Variants in RIMS1 observed in about 807,000 individuals in gnomAD.
The protein encoded by RIMS1 is regulating synaptic membrane exocytosis 1.
RIMS1 carries 83 observed loss-of-function variants against 214.1 expected under a neutral mutation model. That is an observed-to-expected ratio of 0.39 (90% CI 0.32 to 0.47). The LOEUF is 0.47. Ranked by LOEUF, RIMS1 falls within the 20% of genes least tolerant of loss-of-function variation. The probability of loss-of-function intolerance (pLI) is 0.99; values close to 1 mark genes in which losing one functional copy is unlikely to be tolerated. For synonymous variants in RIMS1, 793 were observed against 786.8 expected (o/e 1.01, Z -0.13); for missense variants, 2,050 against 2,161.8 (o/e 0.95, Z 1.03).
chr6:72,194,905 T>G (rs2050627153), intron 6 of RIMS1, among the ~76,000 whole-genome samples: 1 of 152,170 alleles, frequency 6.6e-6, no homozygotes, highest in Non-Finnish European at 1.5e-5. Context: ...TTTTAGCTTA[T>G]AAATACTAAC....
intron 2 of RIMS1, among the ~76,000 whole-genome samples, chr6:71,973,129 T>C (rs1405083058): frequency 1.3e-5 from 2 of 152,154 alleles, no homozygotes; most frequent in South Asian, 2.1e-4. Flanking sequence ...AGGCTGGTCT[T>C]GAACTCCTGA....
At chr6:72,341,099 T>A (rs1242085866) in intron 29 of RIMS1, among the ~76,000 whole-genome samples, 1 of 151,946 alleles carries the variant, frequency 6.6e-6, no homozygotes, top group African/African-American at 2.4e-5. Context: ...GTTATTGGTG[T>A]ATAAGAATTC....
intron 6 of RIMS1, among the ~76,000 whole-genome samples, chr6:72,217,986 A>AT (rs2056909130): frequency 6.6e-6 from 1 of 151,984 alleles, no homozygotes; most frequent in Admixed American, 6.6e-5. Flanking sequence ...ATGGCAAAAC[A>AT]TTTTTTCAGA....
intron 33 of RIMS1, 92 bp from the exon 34 acceptor site, chr6:72,400,404 A>G: frequency 2.0e-6 from 2 of 1,021,910 alleles, no homozygotes; most frequent in Non-Finnish European, 3.1e-6. Context: ...TGCTTCACTG[A>G]CTGGCCCACT....
intron 29 of RIMS1, among the ~76,000 whole-genome samples, chr6:72,358,907 CA>C (rs1042426844): frequency 6.6e-6 from 1 of 152,166 alleles, no homozygotes; most frequent in Non-Finnish European, 1.5e-5. Flanking sequence ...TGACTGCCCT[CA>C]GAGGGCATAA....
In RIMS1 at chr6:72,277,573, C is replaced by T. The variant is rs866665809; in HGVS notation, c.3482+3141C>T. On this transcript the variant is annotated intron_variant, in intron 23 of 33. Coordinates refer to ENST00000521978, the MANE Select transcript of RIMS1 (RefSeq NM_014989.7). ...CTCCAGCCTAGGCGACAGAGCCAGA[C>T]TCTGTCTCAAAAAAAAAAAAAGAAT... Among the ~76,000 whole-genome samples the T allele has an allele frequency of 4.9e-4, 63 of 127,646 alleles. 1 individual carries two copies. The highest frequency in any genetic ancestry group is 1.7e-3 in the African/African-American group (60 of 34,602). The allele number at this position is 127,646 out of a possible 152,430, so 83.7% of individuals were successfully genotyped here. A position where few individuals can be genotyped will look rare whatever the true frequency, so the allele number is the denominator to read the frequency against.
At chr6:72,103,730 TGC>T (rs1295100552) in intron 4 of RIMS1, among the ~76,000 whole-genome samples, 1 of 152,168 alleles carries the variant, frequency 6.6e-6, no homozygotes, top group Non-Finnish European at 1.5e-5. Flanking sequence ...TTTGAGGGAC[TGC>T]CAAACTTTCC....
chr6:72,366,024 C>T (rs2098000979), intron 29 of RIMS1, among the ~76,000 whole-genome samples: 1 of 152,154 alleles, frequency 6.6e-6, no homozygotes, highest in Non-Finnish European at 1.5e-5. Flanking sequence ...ATACCAATAC[C>T]AGAGAATTAT....
intron 4 of RIMS1, among the ~76,000 whole-genome samples, chr6:72,123,902 C>G: frequency 6.6e-6 from 1 of 151,836 alleles, no homozygotes; most frequent in Non-Finnish European, 1.5e-5. Flanking sequence ...ATACAGCACA[C>G]TGATGGGTCT....
intron 2 of RIMS1, among the ~76,000 whole-genome samples, chr6:71,993,572 T>C (rs940530153): frequency 1.1e-4 from 17 of 152,184 alleles, no homozygotes; most frequent in African/African-American, 3.9e-4. Flanking sequence ...CTGTTTCTTC[T>C]TTCTGTCTTC....
At chr6:72,334,626 A>C (rs2096778707) in intron 29 of RIMS1, among the ~76,000 whole-genome samples, 1 of 151,930 alleles carries the variant, frequency 6.6e-6, no homozygotes, top group African/African-American at 2.4e-5. Context: ...AATAGCCAGC[A>C]ACTGTTTTTT....
At chr6:72,250,560 T>G in intron 13 of RIMS1, 100 bp downstream of exon 13, 2 of 822,844 alleles carry the variant, frequency 2.4e-6, no homozygotes, top group Non-Finnish European at 3.6e-6. Context: ...TAATAGATAA[T>G]TCTGAGGAGA....
chr6:71,982,326 GA>G (rs1798706326), intron 2 of RIMS1, among the ~76,000 whole-genome samples: 1 of 152,106 alleles, frequency 6.6e-6, no homozygotes, highest in African/African-American at 2.4e-5. Flanking sequence ...GAAAACGTGT[GA>G]CTTTGAGTTC....
intron 2 of RIMS1, among the ~76,000 whole-genome samples, chr6:72,014,520 ATT>A (rs1298172068): frequency 5.3e-5 from 8 of 152,208 alleles, no homozygotes; most frequent in Non-Finnish European, 1.2e-4. Context: ...GTTGTTGGAC[ATT>A]TGGGTTATTT....
chr6:72,101,614 T>A (rs969326153), intron 4 of RIMS1, among the ~76,000 whole-genome samples: 1 of 151,954 alleles, frequency 6.6e-6, no homozygotes, highest in African/African-American at 2.4e-5. Flanking sequence ...GGAAGAGAGA[T>A]AAGGGTGAAT....
chr6:72,182,821 G>A lies in RIMS1; in HGVS notation c.1350G>A (p.Pro450=), dbSNP rs1470876577. Residue 450 remains proline, a synonymous_variant, in exon 6 of 34, where the codon CCG becomes CCA. Coordinates refer to ENST00000521978, the MANE Select transcript of RIMS1 (RefSeq NM_014989.7). ...GAKQLTNHSP[P]APRHGPVPAE... is the part of the protein sequence containing the mutation. ...AGCAGCTAACGAACCACAGCCCGCC[G>A]GCGCCCAGACATGGGCCGGTTCCCG... The A allele has an allele frequency of 6.5e-7, 1 of 1,550,224 alleles. No homozygotes were observed. The highest frequency in any genetic ancestry group is 1.2e-5 in the South Asian group (1 of 84,314).
At chr6:71,900,769 A>C (rs1773366559) in intron 1 of RIMS1, among the ~76,000 whole-genome samples, 1 of 152,120 alleles carries the variant, frequency 6.6e-6, no homozygotes, top group African/African-American at 2.4e-5. Context: ...AATCCGAGAG[A>C]GATATTAAGC....
chr6:71,890,255 T>C lies in RIMS1; in HGVS notation c.164+3068T>C, dbSNP rs1334427954. ...TGAAAGTACTTTATCATAAAAAGAA[T>C]TCGTTTTGTTGGCAAAGTACACTAA... On this transcript the variant is annotated intron_variant, in intron 1 of 33. Coordinates refer to ENST00000521978, the MANE Select transcript of RIMS1 (RefSeq NM_014989.7). Among the ~76,000 whole-genome samples the C allele has an allele frequency of 3.9e-5, 6 of 152,128 alleles. No homozygotes were observed. In the East Asian group the frequency reaches 1.2e-3, roughly 29 times the overall value.
intron 2 of RIMS1, among the ~76,000 whole-genome samples, chr6:72,070,170 A>G (rs562649216): frequency 4.6e-5 from 7 of 152,356 alleles, no homozygotes; most frequent in Admixed American, 3.3e-4. Flanking sequence ...GATCAGCAAG[A>G]TTGTGTGTAA....
Sources: gnomAD v4.1 joint callset for allele counts (sites outside exome capture counted in the v4.1 genomes callset) on GRCh38, gnomAD v4.1.1 for gene constraint, MANE v1.5 for transcripts, NCBI Gene and HGNC (gene_info 2026-07-23, HGNC 2026-07-21) for gene names.